Variants in CSMD3 observed in about 807,000 individuals in gnomAD.
CSMD3 encodes the protein CUB and sushi domain-containing protein 3.
In CSMD3, 177 loss-of-function variants were observed where a neutral mutation model predicts 435.2. That is an observed-to-expected ratio of 0.41 (90% CI 0.36 to 0.46). The LOEUF is 0.46. Ranked by LOEUF, CSMD3 falls within the 20% of genes least tolerant of loss-of-function variation. The probability of loss-of-function intolerance (pLI) is 0.34; values close to 1 mark genes in which losing one functional copy is unlikely to be tolerated. For synonymous variants in CSMD3, 1,656 were observed against 1,520.5 expected (o/e 1.09, Z -2.07); for missense variants, 4,265 against 4,504.6 (o/e 0.95, Z 1.52).
intron 32 of CSMD3, among the ~76,000 whole-genome samples, chr8:112,421,266 G>A (rs1357788765): frequency 6.6e-6 from 1 of 151,772 alleles, no homozygotes; most frequent in African/African-American, 2.4e-5. Flanking sequence ...GACTAGGCTG[G>A]GCGCAGTGAT....
intron 1 of CSMD3, among the ~76,000 whole-genome samples, chr8:113,338,939 T>C (rs898354424): frequency 6.6e-6 from 1 of 151,964 alleles, no homozygotes; most frequent in Admixed American, 6.6e-5. Context: ...TCCACACTTG[T>C]CTGTTTAATT....
chr8:112,776,018 A>G (rs2078236973), intron 13 of CSMD3, among the ~76,000 whole-genome samples: 1 of 151,838 alleles, frequency 6.6e-6, no homozygotes, highest in South Asian at 2.1e-4. Context: ...AAGGTGCCCA[A>G]AAAAATGTTA....
chr8:112,454,085 T>C (rs941922972), intron 32 of CSMD3, among the ~76,000 whole-genome samples: 1 of 152,210 alleles, frequency 6.6e-6, no homozygotes, highest in African/African-American at 2.4e-5. Context: ...TTTGACCATA[T>C]ATAAGAATTC....
intron 5 of CSMD3, among the ~76,000 whole-genome samples, chr8:113,083,593 A>G (rs940661109): frequency 6.6e-6 from 1 of 152,180 alleles, no homozygotes; most frequent in African/African-American, 2.4e-5. Flanking sequence ...GGTATAAAAG[A>G]TATACAAATG....
intron 13 of CSMD3, among the ~76,000 whole-genome samples, chr8:112,737,751 G>A (rs2077217975): frequency 6.6e-6 from 1 of 151,824 alleles, no homozygotes; most frequent in African/African-American, 2.4e-5. Context: ...AGCTGACCCT[G>A]ATTTCTTAGG....
chr8:112,409,945 A>T (rs555420174), intron 32 of CSMD3, among the ~76,000 whole-genome samples: 1 of 152,026 alleles, frequency 6.6e-6, no homozygotes, highest in Admixed American at 6.6e-5. Context: ...TGAAAATTTA[A>T]TAATGCCAAA....
At chr8:112,381,959 C>T (rs1335728500) in intron 37 of CSMD3, among the ~76,000 whole-genome samples, 2 of 152,064 alleles carry the variant, frequency 1.3e-5, no homozygotes, top group Non-Finnish European at 2.9e-5. Flanking sequence ...ATTATCATTA[C>T]ATTATTATTT....
At chr8:113,163,398 T>C (rs1010695557) in intron 4 of CSMD3, among the ~76,000 whole-genome samples, 1 of 152,020 alleles carries the variant, frequency 6.6e-6, no homozygotes, top group Non-Finnish European at 1.5e-5. Flanking sequence ...TGCAATCATA[T>C]AACAACTTCA....
chr8:112,473,045 G>T (rs1008038405), intron 31 of CSMD3, among the ~76,000 whole-genome samples: 2 of 152,126 alleles, frequency 1.3e-5, no homozygotes, highest in African/African-American at 4.8e-5. Context: ...ATATGCAAGT[G>T]GGAAATTGTT....
At chr8:113,003,453 A>C (rs1441549627) in intron 6 of CSMD3, among the ~76,000 whole-genome samples, 2 of 151,960 alleles carry the variant, frequency 1.3e-5, no homozygotes, top group Non-Finnish European at 2.9e-5. Context: ...ATTTTTGATA[A>C]GTGTGTTTTT....
At chr8:113,299,492 A>G (rs2093747504) in intron 2 of CSMD3, among the ~76,000 whole-genome samples, 1 of 152,204 alleles carries the variant, frequency 6.6e-6, no homozygotes, top group South Asian at 2.1e-4. Flanking sequence ...GTTTGCAATA[A>G]CTTTGAAGGC....
intron 32 of CSMD3, among the ~76,000 whole-genome samples, chr8:112,451,590 G>A (rs1816279003): frequency 6.6e-6 from 1 of 151,542 alleles, no homozygotes; most frequent in Admixed American, 6.6e-5. Context: ...CCAGGGTGGA[G>A]TGCAATGGCA....
At position 113,099,066 on chromosome 8, in the gene CSMD3, C is replaced by G; in HGVS notation, c.710-103G>C. On this transcript the variant is annotated intron_variant, in intron 4 of 70. Transcript: ENST00000297405. Reference sequence around the variant, plus strand: ...ATATGTTTGGATAAAAATAACAGTTCAAATGTGATACCAAGTGCATAATAT... The same window carrying G: ...ATATGTTTGGATAAAAATAACAGTTGAAATGTGATACCAAGTGCATAATAT... The G allele has an allele frequency of 3.9e-6, 3 of 762,880 alleles. No homozygotes were observed. In the South Asian group the frequency reaches 4.3e-5, roughly 11 times the overall value. The allele number at this position is 762,880 out of a possible 1,614,324, so 47.3% of individuals were successfully genotyped here.
chr8:112,342,975 A>ATATATATATT (rs1825280452), intron 41 of CSMD3, among the ~76,000 whole-genome samples: 4 of 70,246 alleles, frequency 5.7e-5, no homozygotes, highest in African/African-American at 1.8e-4. Flanking sequence ...AATGTATTAT[A>ATATATATATT]TATATATATA....
chr8:112,356,766 C>G (rs1232300949), intron 38 of CSMD3, among the ~76,000 whole-genome samples: 2 of 152,068 alleles, frequency 1.3e-5, no homozygotes, highest in African/African-American at 4.8e-5. Flanking sequence ...TTCCCCTGCA[C>G]GAGCTCTCTC....
chr8:113,246,961 C>T (rs2093282341), intron 3 of CSMD3, among the ~76,000 whole-genome samples: 1 of 152,138 alleles, frequency 6.6e-6, no homozygotes, highest in Non-Finnish European at 1.5e-5. Context: ...CAGACTCTGC[C>T]TTAGCTTCAC....
At chr8:113,344,157 TA>T (rs2094137576) in intron 1 of CSMD3, among the ~76,000 whole-genome samples, 1 of 152,158 alleles carries the variant, frequency 6.6e-6, no homozygotes, top group African/African-American at 2.4e-5. Context: ...TCTTGAAATT[TA>T]ATTTTTTTTT....
intron 10 of CSMD3, among the ~76,000 whole-genome samples, chr8:112,881,154 G>A (rs1158323542): frequency 2.0e-5 from 3 of 151,852 alleles, no homozygotes; most frequent in East Asian, 1.9e-4. Context: ...TGCACCTCAC[G>A]TTACAGGGAG....
intron 11 of CSMD3, among the ~76,000 whole-genome samples, chr8:112,851,818 T>C (rs1489341653): frequency 6.6e-6 from 1 of 151,770 alleles, no homozygotes; most frequent in Non-Finnish European, 1.5e-5. Context: ...CTGGGATTAG[T>C]AGCTACTCAA....
Sources: allele counts gnomAD v4.1 joint callset (sites outside exome capture counted in the v4.1 genomes callset), GRCh38; gene constraint gnomAD v4.1.1; transcripts MANE v1.5; gene names NCBI Gene and HGNC (gene_info 2026-07-23, HGNC 2026-07-21).